GOT1: variants seen among roughly 807,000 people sequenced by gnomAD.
The protein encoded by GOT1 is aspartate aminotransferase, cytoplasmic.
GOT1 carries 25 observed loss-of-function variants against 48.2 expected under a neutral mutation model. That is an observed-to-expected ratio of 0.52 (90% CI 0.38 to 0.72). The LOEUF (loss-of-function observed/expected upper bound fraction) is 0.72. Ranked by LOEUF, GOT1 falls within the 30% of genes least tolerant of loss-of-function variation. GOT1 has a pLI of 0.00. For missense variants in GOT1, 380 were observed against 520.1 expected (o/e 0.73, Z 2.62); for synonymous variants, 188 against 193.8 (o/e 0.97, Z 0.25).
At chr10:99,406,319 T>A (rs1472904581) in intron 3 of GOT1, 70 bp from the exon 4 acceptor site, 1 of 1,136,356 alleles carries the variant, frequency 8.8e-7, no homozygotes, top group East Asian at 2.3e-5. Flanking sequence ...AGGATGCAAG[T>A]CAGCTTCCAG....
Position 99,400,068 on chromosome 10 carries a change from C to G in GOT1, c.1103-2382G>C, listed in dbSNP as rs116590354. Among the ~76,000 whole-genome samples, 228 of 152,226 alleles carry G rather than the reference C, an allele frequency of 1.5e-3. 3 individuals carry two copies. The highest frequency in any genetic ancestry group is 5.2e-3 in the African/African-American group (218 of 41,538). ...TGGTTTTGTTTTAGTAAAAATGAGG[C>G]CTTTCTACTTTTTCAGAGAAGGGAA... On this transcript the variant is annotated intron_variant, in intron 8 of 8. Transcript: ENST00000370508.
chr10:99,405,678 G>A (rs985094746), intron 5 of GOT1, 78 bp downstream of exon 5: 25 of 748,942 alleles, frequency 3.3e-5, no homozygotes, highest in Non-Finnish European at 5.0e-5. Context: ...TCAGCAAACA[G>A]CAAACAGGTA....
chr10:99,406,276 G>A (rs2032754264), intron 3 of GOT1, 27 bp from the exon 4 acceptor site: 2 of 1,532,212 alleles, frequency 1.3e-6, no homozygotes, highest in Middle Eastern at 1.7e-4. Flanking sequence ...AAAAAGTTAA[G>A]CACTTTACAA....
chr10:99,402,840 A>G (rs1337836765), intron 7 of GOT1, 118 bp from the exon 8 acceptor site: 2 of 789,866 alleles, frequency 2.5e-6, no homozygotes, highest in African/African-American at 1.7e-5. Flanking sequence ...TAACCTGCCT[A>G]TTATGGCATG....
intron 3 of GOT1, 92 bp from the exon 4 acceptor site, chr10:99,406,341 G>T: frequency 1.2e-6 from 1 of 853,708 alleles, no homozygotes; most frequent in Non-Finnish European, 2.0e-6. Flanking sequence ...GCCCTCCCAG[G>T]CTCAATGTCC....
chr10:99,416,993 C>T lies in GOT1; in HGVS notation c.300+3631G>A, dbSNP rs571630649. ...TAAAAACCCTAGAAGAAAACCTAGG[C>T]AATACTATTCAGGACATAGGCATGG... is the stretch of plus-strand genomic sequence containing the variant. On this transcript the variant is annotated intron_variant, in intron 2 of 8. Transcript: ENST00000370508. Among the ~76,000 whole-genome samples the T allele has an allele frequency of 1.9e-3, 295 of 152,300 alleles. 1 individual carries two copies. The highest frequency in any genetic ancestry group is 6.6e-3 in the African/African-American group (273 of 41,558).
intron 1 of GOT1, among the ~76,000 whole-genome samples, chr10:99,424,765 C>T (rs994745134): frequency 6.6e-6 from 1 of 152,090 alleles, no homozygotes; most frequent in Non-Finnish European, 1.5e-5. Context: ...ATTTACAACT[C>T]CCCTTCCTTC....
intron 1 of GOT1, chr10:99,430,080 A>G: frequency 2.5e-6 from 1 of 397,544 alleles, no homozygotes; most frequent in South Asian, 1.9e-5. Flanking sequence ...TTTCCTAGCA[A>G]CCAGAACCCT....
intron 2 of GOT1, among the ~76,000 whole-genome samples, chr10:99,417,579 G>T (rs948461713): frequency 6.6e-6 from 1 of 152,176 alleles, no homozygotes; most frequent in African/African-American, 2.4e-5. Context: ...CCATTACTGG[G>T]TATATACCCA....
intron 1 of GOT1, among the ~76,000 whole-genome samples, chr10:99,421,016 C>T (rs2032958779): frequency 6.6e-6 from 1 of 152,188 alleles, no homozygotes; most frequent in African/African-American, 2.4e-5. Context: ...ATGTGGTCCC[C>T]ATCCTTGTGG....
intron 1 of GOT1, among the ~76,000 whole-genome samples, chr10:99,421,949 C>T (rs1196889293): frequency 6.6e-6 from 1 of 151,872 alleles, no homozygotes; most frequent in East Asian, 1.9e-4. Flanking sequence ...TGGGAAAAGC[C>T]CAGAAGGTAA....
At chr10:99,424,684 ATAC>A (rs925028897) in intron 1 of GOT1, among the ~76,000 whole-genome samples, 1 of 152,194 alleles carries the variant, frequency 6.6e-6, no homozygotes, top group African/African-American at 2.4e-5. Context: ...TAAAATTCCA[ATAC>A]TACTACTTGG....
intron 1 of GOT1, among the ~76,000 whole-genome samples, chr10:99,427,423 C>T (rs1389994169): frequency 2.0e-5 from 3 of 152,314 alleles, no homozygotes; most frequent in Admixed American, 6.5e-5. Flanking sequence ...CGCCCGCCAC[C>T]ACGCCCTGCT....
intron 1 of GOT1, among the ~76,000 whole-genome samples, chr10:99,428,197 AAAC>A (rs2033065722): frequency 2.0e-5 from 3 of 152,224 alleles, no homozygotes; most frequent in Admixed American, 2.0e-4. Context: ...AGAAATGCCA[AAAC>A]AACAATAACA....
intron 2 of GOT1, among the ~76,000 whole-genome samples, chr10:99,410,488 T>A (rs183983883): frequency 2.6e-5 from 4 of 152,336 alleles, no homozygotes; most frequent in South Asian, 4.1e-4. Context: ...TTCATTTTTT[T>A]AAAAATCAGT....
chr10:99,403,587 T>C lies in GOT1; in HGVS notation c.841A>G (p.Ile281Val). 1 of 1,614,146 alleles carries C rather than the reference T, an allele frequency of 6.2e-7. No individual in the cohort carries two copies. ...TCCATCTGGGAAAGGACTTGCAGGA[T>C]GCTCTCAGGTTCTTTTCCAACCACA... ...LTVVGKEPES[I>V]LQVLSQMEKI... is the part of the protein sequence containing the mutation. The change falls in exon 7 of 9, where the codon ATC (isoleucine) becomes GTC (valine). Residue 281 changes from isoleucine (I) to valine (V), a missense_variant. Physicochemically the swap from Ile to Val is conservative, Grantham distance 29 (BLOSUM62 3). Transcript: ENST00000370508.
At position 99,402,715 on chromosome 10, in the gene GOT1, T is replaced by C. The variant is rs1222064521; in HGVS notation, c.967A>G (p.Asn323Asp). 1 of 1,613,604 alleles carries C rather than the reference T, an allele frequency of 6.2e-7. No homozygotes were observed. The highest frequency in any genetic ancestry group is 1.7e-5 in the Admixed American group (1 of 60,008). ...NPELFEEWTG[N>D]VKTMADRILT... The stretch of plus-strand genomic sequence containing the variant: ...ATCCGGTCAGCCATTGTCTTCACAT[T>C]ACCTGTCCTGAAGCATGGACAGTGA... The change falls in exon 8 of 9, where the codon AAT (asparagine) becomes GAT (aspartate). Residue 323 changes from asparagine (N) to aspartate (D), a missense_variant. Coordinates refer to ENST00000370508, the MANE Select transcript of GOT1 (RefSeq NM_002079.3).
At chr10:99,426,959 G>C (rs1250891166) in intron 1 of GOT1, among the ~76,000 whole-genome samples, 4 of 152,122 alleles carry the variant, frequency 2.6e-5, no homozygotes, top group Non-Finnish European at 5.9e-5. Flanking sequence ...CTTCACAAGG[G>C]GTATACTTGG....
At chr10:99,421,734 T>C (rs2032970548) in intron 1 of GOT1, among the ~76,000 whole-genome samples, 1 of 152,112 alleles carries the variant, frequency 6.6e-6, no homozygotes, top group African/African-American at 2.4e-5. Flanking sequence ...CTGGCAGGGG[T>C]CATTTGCCTC....
Sources: allele counts gnomAD v4.1 joint callset (sites outside exome capture counted in the v4.1 genomes callset), GRCh38; gene constraint gnomAD v4.1.1; transcripts MANE v1.5; gene names NCBI Gene and HGNC (gene_info 2026-07-23, HGNC 2026-07-21).